Variants in TANGO6 observed in about 807,000 individuals in gnomAD.
TANGO6 encodes the protein transport and golgi organization 6 homolog.
TANGO6 carries 90 observed loss-of-function variants against 114.2 expected under a neutral mutation model. The observed-to-expected ratio is 0.79, with a 90% CI of 0.66 to 0.94. The LOEUF is 0.94. Among genes scored for constraint, TANGO6 ranks in the 40% least tolerant of loss-of-function variants. The probability of loss-of-function intolerance (pLI) is 0.00; values close to 1 mark genes in which losing one functional copy is unlikely to be tolerated. For missense variants in TANGO6, 1,274 were observed against 1,315.3 expected, an observed-to-expected ratio of 0.97 and a Z score of 0.49; for synonymous variants, 477 against 509.8, an observed-to-expected ratio of 0.94 and a Z score of 0.87.
intron 14 of TANGO6, among the ~76,000 whole-genome samples, chr16:68,959,513 G>C (rs528016168): frequency 6.6e-6 from 1 of 152,092 alleles, no homozygotes; most frequent in Non-Finnish European, 1.5e-5. Flanking sequence ...CTTGAACCTG[G>C]GGGGTGGAGG....
intron 1 of TANGO6, among the ~76,000 whole-genome samples, chr16:68,851,376 C>T (rs1961900342): frequency 6.6e-6 from 1 of 151,976 alleles, no homozygotes; most frequent in Admixed American, 6.6e-5. Context: ...GTCAGGCTGG[C>T]CTCGAACTCC....
chr16:68,999,037 C>T (rs997603737), intron 15 of TANGO6, among the ~76,000 whole-genome samples: 8 of 151,842 alleles, frequency 5.3e-5, no homozygotes, highest in African/African-American at 1.7e-4. Context: ...TGTGCACCAC[C>T]ACACCTGGCT....
Position 69,083,623 on chromosome 16 carries a change from C to T in TANGO6, c.3247C>T (p.Pro1083Ser). ...CATCATGAAAAACTTCCTGTTCCCT[C>T]CACAGAAGCTGGAGAAGAAGATCAT... Reference protein sequence around the residue: ...DDIMKNFLFPPQKLEKKIMVL... With the variant: ...DDIMKNFLFPSQKLEKKIMVL... The change falls in exon 18 of 18, where the codon CCA becomes TCA. Residue 1083 changes from proline (P) to serine (S), a missense_variant. Pro to Ser is a moderately conservative substitution (Grantham distance 74). Around this residue, in one of 5 missense-constraint regions of TANGO6, gnomAD observed 238 missense variants for 252.9 expected, o/e 0.94. Coordinates refer to ENST00000261778, the MANE Select transcript of TANGO6 (RefSeq NM_024562.2). 6.3e-7 allele frequency: 1 copy of T among 1,575,404 alleles called. No homozygotes were observed. The highest frequency in any genetic ancestry group is 8.6e-7 in the Non-Finnish European group (1 of 1,160,314).
intron 17 of TANGO6, among the ~76,000 whole-genome samples, chr16:69,043,161 G>C (rs942173650): frequency 3.3e-5 from 5 of 152,152 alleles, no homozygotes; most frequent in Non-Finnish European, 5.9e-5. Context: ...GGGAGGCGGA[G>C]GTTGCAGTGA....
rs531308193 is a variant in TANGO6 at position 68,946,459 on chromosome 16, G to C, written c.2701+16164G>C. 2.6e-5 allele frequency among the ~76,000 whole-genome samples: 4 copies of C among 152,066 alleles called. No individual in the cohort carries two copies. The East Asian group carries it at 5.8e-4, about 22-fold the overall frequency. ...TCCGCCCACCTCGGCCTCCCAAAGT[G>C]GGGGGATTACAGGCGTGAGCCACCG... On this transcript the variant is annotated intron_variant, in intron 14 of 17. Coordinates refer to ENST00000261778, the MANE Select transcript of TANGO6 (RefSeq NM_024562.2).
chr16:68,908,317 A>G (rs1200258110), intron 10 of TANGO6, among the ~76,000 whole-genome samples: 1 of 152,054 alleles, frequency 6.6e-6, no homozygotes, highest in Non-Finnish European at 1.5e-5. Flanking sequence ...CTTACCTCCC[A>G]TGTTCACACC....
At position 68,927,899 on chromosome 16, in the gene TANGO6, T is replaced by G; in HGVS notation, c.2459T>G (p.Val820Gly). The G allele has an allele frequency of 6.2e-7, 1 of 1,613,488 alleles. No homozygotes were observed. Residue 820 changes from valine to glycine, a missense_variant, in exon 13 of 18, where the codon GTC becomes GGC. Physicochemically the swap from Val to Gly is moderately radical, Grantham distance 109. This residue lies in a region of TANGO6 where 908 missense variants were observed against 910.2 expected (regional missense o/e 1.00). Transcript: ENST00000261778. ...QSNAPIIPQG[V>G]NEPSTTTSQK... The stretch of plus-strand genomic sequence containing the variant: ...AATGCTCCAATCATTCCTCAAGGAG[T>G]CAATGAGCCCAGCACTACTACAAGT...
chr16:68,912,865 C>G (rs1962941971), intron 11 of TANGO6, among the ~76,000 whole-genome samples: 1 of 148,386 alleles, frequency 6.7e-6, no homozygotes, highest in Non-Finnish European at 1.5e-5. Flanking sequence ...CATTTGAGCC[C>G]AGGTGTTCGA....
At chr16:68,997,547 AGC>A (rs1274905900) in intron 15 of TANGO6, among the ~76,000 whole-genome samples, 1 of 152,212 alleles carries the variant, frequency 6.6e-6, no homozygotes, top group African/African-American at 2.4e-5. Flanking sequence ...GTGTATAATG[AGC>A]AGTGAGGATG....
At chr16:68,944,157 A>G (rs966170582) in intron 14 of TANGO6, among the ~76,000 whole-genome samples, 2 of 152,158 alleles carry the variant, frequency 1.3e-5, no homozygotes, top group Non-Finnish European at 2.9e-5. Context: ...GATCCCTGTA[A>G]TGTTTGAACA....
intron 15 of TANGO6, among the ~76,000 whole-genome samples, chr16:69,014,288 T>A (rs1959253394): frequency 6.6e-6 from 1 of 152,218 alleles, no homozygotes; most frequent in African/African-American, 2.4e-5. Flanking sequence ...TTGCAGCAAC[T>A]CTAAGGCAAC....
At chr16:68,951,360 T>C (rs578122094) in intron 14 of TANGO6, among the ~76,000 whole-genome samples, 15 of 151,094 alleles carry the variant, frequency 9.9e-5, no homozygotes, top group African/African-American at 3.4e-4. Flanking sequence ...AAATATAAAG[T>C]ATAACAGAAG....
chr16:69,076,032 G>A (rs555662835), intron 17 of TANGO6, among the ~76,000 whole-genome samples: 1 of 149,846 alleles, frequency 6.7e-6, no homozygotes, highest in East Asian at 2.0e-4. Flanking sequence ...CAAAGTGTTG[G>A]GATTACAGGC....
chr16:69,008,619 T>C (rs948553767), intron 15 of TANGO6, among the ~76,000 whole-genome samples: 2 of 152,030 alleles, frequency 1.3e-5, no homozygotes, highest in African/African-American at 4.8e-5. Context: ...TTAATTTTTG[T>C]TTTGTTTTGT....
chr16:69,066,351 A>G (rs1960213444), intron 17 of TANGO6, among the ~76,000 whole-genome samples: 1 of 151,942 alleles, frequency 6.6e-6, no homozygotes, highest in African/African-American at 2.4e-5. Flanking sequence ...TTGGAGTGCA[A>G]TGGCGTGATC....
chr16:68,885,041 A>G (rs974803885), intron 7 of TANGO6, among the ~76,000 whole-genome samples: 45 of 152,204 alleles, frequency 3.0e-4, no homozygotes, highest in Admixed American at 2.9e-3. Flanking sequence ...TTGGAGGAAA[A>G]TGGTAAACAC....
At position 68,880,392 on chromosome 16, in the gene TANGO6, A is replaced by G. The variant is rs147892595; in HGVS notation, c.1295-156A>G. ...TCAGTGGCATCATATATTCCATGAAATGTGTATGAATTGTGTATTGTTCAA... is the reference window on the plus strand; with the variant it reads ...TCAGTGGCATCATATATTCCATGAAGTGTGTATGAATTGTGTATTGTTCAA... On this transcript the variant is annotated intron_variant, in intron 6 of 17. Coordinates refer to ENST00000261778, the MANE Select transcript of TANGO6 (RefSeq NM_024562.2). 2.0e-5 allele frequency among the ~76,000 whole-genome samples: 3 copies of G among 152,318 alleles called. No homozygotes were observed. The East Asian group carries it at 5.8e-4, about 29-fold the overall frequency.
At chr16:68,853,725 A>C (rs1166149049) in intron 1 of TANGO6, among the ~76,000 whole-genome samples, 1 of 152,198 alleles carries the variant, frequency 6.6e-6, no homozygotes, top group African/African-American at 2.4e-5. Flanking sequence ...TGCCAGACCA[A>C]CTGAGCTTTG....
chr16:68,927,823 C>T lies in TANGO6; in HGVS notation c.2383C>T (p.Leu795Phe). Reference protein sequence around the residue: ...ERPTDVAHSHLEQQQSHETAP... With the variant: ...ERPTDVAHSHFEQQQSHETAP... Reference sequence around the variant, plus strand: ...ACCCACTGATGTAGCTCATAGCCACCTTGAACAACAGCAGAGCCATGAGAC... The same window carrying T: ...ACCCACTGATGTAGCTCATAGCCACTTTGAACAACAGCAGAGCCATGAGAC... The change falls in exon 13 of 18, where the codon CTT becomes TTT. Residue 795 changes from leucine (L) to phenylalanine (F), a missense_variant. By Grantham distance (22) the Leu-to-Phe change is conservative. Coordinates refer to ENST00000261778, the MANE Select transcript of TANGO6 (RefSeq NM_024562.2). The T allele has an allele frequency of 1.2e-6, 2 of 1,614,016 alleles. No individual in the cohort carries two copies. The highest frequency in any genetic ancestry group is 8.5e-7 in the Non-Finnish European group (1 of 1,179,896).
Sources: gnomAD v4.1 joint callset for allele counts (sites outside exome capture counted in the v4.1 genomes callset) on GRCh38, gnomAD v4.1.1 for gene constraint, gnomAD v4.1.1 regional missense constraint, MANE v1.5 for transcripts, NCBI Gene and HGNC (gene_info 2026-07-23, HGNC 2026-07-21) for gene names.